Variants in SH3GL3 observed in about 807,000 individuals in gnomAD.
SH3GL3 encodes the protein endophilin-A3.
In SH3GL3, 33 loss-of-function variants were observed where a neutral mutation model predicts 47.7. The ratio of observed to expected loss-of-function variants is 0.69; its 90% confidence interval spans 0.52 to 0.92. The LOEUF (loss-of-function observed/expected upper bound fraction) is 0.92, where lower values mean the gene tolerates loss of function less well. SH3GL3 is among the 40% of genes least tolerant of loss of function. The probability of loss-of-function intolerance (pLI) is 0.00; values close to 1 mark genes in which losing one functional copy is unlikely to be tolerated. For synonymous variants in SH3GL3, 155 were observed against 148.8 expected (o/e 1.04, Z -0.30); for missense variants, 363 against 417.8 (o/e 0.87, Z 1.14).
chr15:83,477,143 G>A (rs1325049252), intron 1 of SH3GL3, among the ~76,000 whole-genome samples: 1 of 152,142 alleles, frequency 6.6e-6, no homozygotes. Context: ...TGTTTGCTTG[G>A]ATGGGGACTC....
At chr15:83,528,765 T>C (rs1405679924) in intron 1 of SH3GL3, among the ~76,000 whole-genome samples, 1 of 152,204 alleles carries the variant, frequency 6.6e-6, no homozygotes, top group East Asian at 1.9e-4. Context: ...TGAGCTTCCT[T>C]AATAACATTA....
In SH3GL3 at chr15:83,500,556, C is replaced by T. The variant is rs111349229; in HGVS notation, c.45+52978C>T. ...AGATGCTGCATTGGGGGCCTAGAAC[C>T]TGGCTTCTCGAGTGGCTGTCCAAGG... On this transcript the variant is annotated intron_variant, in intron 1 of 8. Transcript: ENST00000427482. 4.3e-3 allele frequency among the ~76,000 whole-genome samples: 658 copies of T among 152,314 alleles called. 5 individuals are homozygous for T. The highest frequency in any genetic ancestry group is 0.015 in the African/African-American group (618 of 41,574).
chr15:83,594,957 A>G (rs1452095619), intron 8 of SH3GL3, among the ~76,000 whole-genome samples: 1 of 152,184 alleles, frequency 6.6e-6, no homozygotes, highest in Admixed American at 6.5e-5. Context: ...TTCTCAGACA[A>G]CTTAAAGCAG....
intron 1 of SH3GL3, among the ~76,000 whole-genome samples, chr15:83,487,881 T>TTC (rs1178100247): frequency 4.0e-5 from 6 of 150,698 alleles, no homozygotes; most frequent in Admixed American, 6.6e-5. Context: ...TTCTTTTCTT[T>TTC]TTTTTTTTTT....
At chr15:83,465,263 T>C (rs1016150218) in intron 1 of SH3GL3, among the ~76,000 whole-genome samples, 1 of 151,610 alleles carries the variant, frequency 6.6e-6, no homozygotes, top group Non-Finnish European at 1.5e-5. Context: ...TGAGCCAAGA[T>C]TGCACCACTG....
intron 1 of SH3GL3, among the ~76,000 whole-genome samples, chr15:83,450,804 A>AATTTTTTTT (rs59484427): frequency 1.7e-5 from 1 of 58,788 alleles, no homozygotes; most frequent in African/African-American, 8.0e-5. Context: ...TTTTTTTTTA[A>AATTTTTTTT]TTTTTTTTTT....
intron 1 of SH3GL3, among the ~76,000 whole-genome samples, chr15:83,540,525 T>C (rs926983395): frequency 6.6e-6 from 1 of 152,214 alleles, no homozygotes; most frequent in Non-Finnish European, 1.5e-5. Flanking sequence ...TAAATGTTCT[T>C]TATTCTAGTA....
chr15:83,511,026 A>G (rs536290579), intron 1 of SH3GL3, among the ~76,000 whole-genome samples: 1 of 152,248 alleles, frequency 6.6e-6, no homozygotes, highest in South Asian at 2.1e-4. Flanking sequence ...TAGCATTAGG[A>G]GATATACCTA....
At chr15:83,614,531 G>T (rs2060761953) in intron 8 of SH3GL3, among the ~76,000 whole-genome samples, 1 of 152,128 alleles carries the variant, frequency 6.6e-6, no homozygotes, top group Non-Finnish European at 1.5e-5. Context: ...GCTTCCTTAG[G>T]GGAAGGAGAG....
chr15:83,472,081 G>A (rs1173502772), intron 1 of SH3GL3, among the ~76,000 whole-genome samples: 4 of 151,938 alleles, frequency 2.6e-5, no homozygotes, highest in Admixed American at 2.0e-4. Flanking sequence ...ATGGGGTTTC[G>A]CCATGTTGGC....
intron 1 of SH3GL3, among the ~76,000 whole-genome samples, chr15:83,449,378 T>C (rs2151483223): frequency 6.6e-6 from 1 of 152,286 alleles, no homozygotes; most frequent in Non-Finnish European, 1.5e-5. Context: ...AGTGCTGCTG[T>C]GAGCAGAGCA....
chr15:83,485,830 T>C (rs1186915870), intron 1 of SH3GL3, among the ~76,000 whole-genome samples: 2 of 152,202 alleles, frequency 1.3e-5, no homozygotes, highest in Non-Finnish European at 2.9e-5. Context: ...CCATGTGGAT[T>C]TGTTTTTTTA....
intron 1 of SH3GL3, among the ~76,000 whole-genome samples, chr15:83,494,858 A>C (rs1046449981): frequency 6.6e-6 from 1 of 151,836 alleles, no homozygotes; most frequent in Non-Finnish European, 1.5e-5. Context: ...TTTGTTTTTA[A>C]AATATCAGTT....
At position 83,594,907 on chromosome 15, in the gene SH3GL3, T is replaced by C. The variant is rs79182325; in HGVS notation, c.838+6136T>C. ...ACAGCTTATACACTGCTGGTGGCAA[T>C]GTAGATTAGTTCAGCCACTGTGGAA... On this transcript the variant is annotated intron_variant, in intron 8 of 8. Transcript: ENST00000427482. Among the ~76,000 whole-genome samples, 668 of 152,286 alleles carry C rather than the reference T, an allele frequency of 4.4e-3. 9 individuals carry two copies. Among genetic ancestry groups the C allele is most frequent in the African/African-American group, 0.015 (635 of 41,550 alleles).
chr15:83,625,751 T>C, the SH3GL3 span, among the ~76,000 whole-genome samples: 2 of 152,234 alleles, frequency 1.3e-5, no homozygotes, highest in Admixed American at 1.3e-4. Context: ...ATTTTAGCCT[T>C]TATTTCTATC....
chr15:83,633,525 C>T, the SH3GL3 span, among the ~76,000 whole-genome samples: 1 of 152,110 alleles, frequency 6.6e-6, no homozygotes, highest in African/African-American at 2.4e-5. Flanking sequence ...TAACTTACAA[C>T]CCATGGTATG....
chr15:83,495,061 G>A (rs1411992497), intron 1 of SH3GL3, among the ~76,000 whole-genome samples: 2 of 152,184 alleles, frequency 1.3e-5, no homozygotes, highest in African/African-American at 4.8e-5. Context: ...TCCACCTGCA[G>A]AGGGTGTATG....
At chr15:83,537,619 A>T (rs2043971060) in intron 1 of SH3GL3, among the ~76,000 whole-genome samples, 1 of 152,146 alleles carries the variant, frequency 6.6e-6, no homozygotes, top group Non-Finnish European at 1.5e-5. Context: ...GCTTTCCACC[A>T]TACAGTTATT....
chr15:83,503,890 A>G (rs1299524498), intron 1 of SH3GL3, among the ~76,000 whole-genome samples: 1 of 152,186 alleles, frequency 6.6e-6, no homozygotes, highest in Non-Finnish European at 1.5e-5. Context: ...GCATTTCCCC[A>G]TGTCTTTATT....
Sources: gnomAD v4.1 joint callset for allele counts (sites outside exome capture counted in the v4.1 genomes callset) on GRCh38, gnomAD v4.1.1 for gene constraint, MANE v1.5 for transcripts, NCBI Gene and HGNC (gene_info 2026-07-23, HGNC 2026-07-21) for gene names.